The following RASSF3 variants were observed in gnomAD, a reference collection of about 807,000 sequenced individuals.
RASSF3 encodes Ras association domain family member 3, also known as ras association domain-containing protein 3.
RASSF3 carries 19 observed loss-of-function variants against 19.9 expected under a neutral mutation model. The ratio of observed to expected loss-of-function variants is 0.96; its 90% CI spans 0.67 to 1.40. The LOEUF (loss-of-function observed/expected upper bound fraction) is 1.40, where lower values mean the gene tolerates loss of function less well. RASSF3 is among the 40% of genes most tolerant of loss of function. The pLI, the probability that RASSF3 is intolerant of heterozygous loss-of-function variation, is 0.00. For synonymous variants in RASSF3, 110 were observed against 104.2 expected (o/e 1.06, Z -0.34); for missense variants, 306 against 289.8 (o/e 1.06, Z -0.41).
chr12:64,619,381 C>T (rs761556024), intron 1 of RASSF3, among the ~76,000 whole-genome samples: 2 of 151,696 alleles, frequency 1.3e-5, no homozygotes, highest in Admixed American at 6.6e-5. Context: ...ATGGCATTCT[C>T]GGTGCAACTC....
intron 2 of RASSF3, among the ~76,000 whole-genome samples, chr12:64,601,996 G>A (rs141795155): frequency 6.7e-6 from 1 of 149,232 alleles, no homozygotes; most frequent in East Asian, 2.0e-4. Flanking sequence ...GGGCGCCTGT[G>A]GTCCCAACTA....
intron 1 of RASSF3, 133 bp downstream of exon 1, chr12:64,610,876 G>A: frequency 1.9e-6 from 1 of 521,278 alleles, no homozygotes. Context: ...AGCGGGCCGA[G>A]AAGTGGCTTC....
Position 64,695,054 on chromosome 12 carries a change from C to A in RASSF3, c.*142C>A. 1 of 858,834 alleles carries A rather than the reference C, an allele frequency of 1.2e-6. No homozygotes were observed. Among genetic ancestry groups the A allele is most frequent in the Non-Finnish European group, 1.8e-6 (1 of 569,682 alleles). The allele number at this position is 858,834 out of a possible 1,614,324, so 53.2% of individuals were successfully genotyped here. ...TATCTGTAGATTTTGTTCCCCAAACCTGGTCACACAGCATCCTGCACCTTA... is the reference window on the plus strand; with the variant it reads ...TATCTGTAGATTTTGTTCCCCAAACATGGTCACACAGCATCCTGCACCTTA... On this transcript the variant is annotated 3_prime_UTR_variant, in exon 5 of 5. Transcript: ENST00000542104.
upstream of RASSF3, among the ~76,000 whole-genome samples, chr12:64,528,357 A>G (rs144158036): frequency 1.1e-3 from 173 of 152,350 alleles, no homozygotes; most frequent in African/African-American, 4.0e-3. Context: ...GAGTATGTCA[A>G]CCACTGTCAG....
At chr12:64,666,765 T>C (rs1472732873) in intron 1 of RASSF3, among the ~76,000 whole-genome samples, 1 of 152,236 alleles carries the variant, frequency 6.6e-6, no homozygotes, top group East Asian at 1.9e-4. Flanking sequence ...GCAGAACCTG[T>C]GCTCTGTTCA....
intron 1 of RASSF3, among the ~76,000 whole-genome samples, chr12:64,615,029 A>C (rs1341485254): frequency 6.6e-6 from 1 of 152,176 alleles, no homozygotes; most frequent in African/African-American, 2.4e-5. Context: ...CCTGACCTGC[A>C]TATAGTCATG....
intron 1 of RASSF3, among the ~76,000 whole-genome samples, chr12:64,620,469 A>G (rs772251787): frequency 1.2e-4 from 18 of 152,212 alleles, no homozygotes; most frequent in Non-Finnish European, 2.6e-4. Context: ...CATAAGTAAC[A>G]GTTGCTATAG....
chr12:64,678,395 A>G (rs1380329114), intron 1 of RASSF3, among the ~76,000 whole-genome samples: 1 of 152,080 alleles, frequency 6.6e-6, no homozygotes, highest in African/African-American at 2.4e-5. Flanking sequence ...TGGCCTGGGA[A>G]GTTCACCCTT....
At chr12:64,560,967 T>C (rs965428583) in intron 2 of RASSF3, among the ~76,000 whole-genome samples, 2 of 150,746 alleles carry the variant, frequency 1.3e-5, no homozygotes, top group African/African-American at 4.9e-5. Context: ...AAAGAGTCTG[T>C]ATTAGTAAAG....
intron 1 of RASSF3, among the ~76,000 whole-genome samples, chr12:64,670,468 A>T (rs1157432146): frequency 6.6e-6 from 1 of 151,744 alleles, no homozygotes; most frequent in African/African-American, 2.4e-5. Flanking sequence ...AAAGAGAAAC[A>T]AAGTGGGGGC....
intron 1 of RASSF3, among the ~76,000 whole-genome samples, chr12:64,519,457 G>A (rs9668978): frequency 6.6e-6 from 1 of 151,784 alleles, no homozygotes; most frequent in Non-Finnish European, 1.5e-5. Context: ...CAGATCAGAG[G>A]TTGCCTGGAC....
intron 2 of RASSF3, among the ~76,000 whole-genome samples, chr12:64,570,711 A>G (rs995281468): frequency 1.3e-5 from 2 of 152,246 alleles, no homozygotes; most frequent in South Asian, 4.1e-4. Context: ...CTCCTATCGT[A>G]TATGAACAAT....
intron 1 of RASSF3, among the ~76,000 whole-genome samples, chr12:64,535,836 C>T (rs1174664426): frequency 1.3e-5 from 2 of 150,992 alleles, no homozygotes; most frequent in East Asian, 2.0e-4. Flanking sequence ...TACAGGCATG[C>T]ACCACCACAC....
At chr12:64,617,863 A>C (rs1455937362) in intron 1 of RASSF3, among the ~76,000 whole-genome samples, 1 of 152,078 alleles carries the variant, frequency 6.6e-6, no homozygotes, top group Non-Finnish European at 1.5e-5. Context: ...GGCCCTATAC[A>C]TCTGTTTAGA....
Position 64,697,214 on chromosome 12 carries a change from G to A in RASSF3, c.*2302G>A, listed in dbSNP as rs1490687743. ...ATTCTGTCAGTTTATGGTTCTTGAA[G>A]ACTGATGTCCTTTCCCAAACACTGG... On this transcript the variant is annotated 3_prime_UTR_variant, in exon 5 of 5. Coordinates refer to ENST00000542104, the MANE Select transcript of RASSF3 (RefSeq NM_178169.4). 1 of 152,042 alleles carries A rather than the reference G, an allele frequency of 6.6e-6. No individual in the cohort carries two copies. Among genetic ancestry groups the A allele is most frequent in the South Asian group, 2.1e-4 (1 of 4,824 alleles). 9.4% of individuals were successfully genotyped at this position (152,042 alleles called of 1,614,324 possible).
At chr12:64,508,813 G>A (rs565667546) in intron 1 of RASSF3, among the ~76,000 whole-genome samples, 2 of 152,178 alleles carry the variant, frequency 1.3e-5, no homozygotes, top group Non-Finnish European at 2.9e-5. Flanking sequence ...GAAAACCCAG[G>A]AGGTGGAGGT....
chr12:64,639,560 G>T (rs1408289343), intron 1 of RASSF3, among the ~76,000 whole-genome samples: 1 of 152,108 alleles, frequency 6.6e-6, no homozygotes, highest in African/African-American at 2.4e-5. Flanking sequence ...TAATTACGAA[G>T]AATGGCATAA....
intron 1 of RASSF3, among the ~76,000 whole-genome samples, chr12:64,639,787 C>T (rs113775474): frequency 0.017 from 2,622 of 152,194 alleles, 75 homozygotes; most frequent in African/African-American, 0.06. Context: ...TTCAATAAGG[C>T]TCTAAAACAA....
At chr12:64,538,397 CA>C (rs1868873725) in intron 1 of RASSF3, among the ~76,000 whole-genome samples, 1 of 152,270 alleles carries the variant, frequency 6.6e-6, no homozygotes, top group African/African-American at 2.4e-5. Context: ...TCTCCAAATA[CA>C]GTCACATGTT....
Sources: gnomAD v4.1 joint callset for allele counts (sites outside exome capture counted in the v4.1 genomes callset) on GRCh38, gnomAD v4.1.1 for gene constraint, MANE v1.5 for transcripts, NCBI Gene and HGNC (gene_info 2026-07-23, HGNC 2026-07-21) for gene names.